Variants in RNGTT observed in about 807,000 individuals in gnomAD.
RNGTT encodes the protein RNA guanylyltransferase and 5'-phosphatase.
In RNGTT, 33 loss-of-function variants were observed where a neutral mutation model predicts 79.3. The observed-to-expected ratio is 0.42, with a 90% CI of 0.32 to 0.56. The LOEUF is 0.56. Ranked by LOEUF, RNGTT falls within the 20% of genes least tolerant of loss-of-function variation. RNGTT has a pLI of 0.17. For synonymous variants in RNGTT, 222 were observed against 235.9 expected (o/e 0.94, Z 0.54); for missense variants, 497 against 739.1 (o/e 0.67, Z 3.80).
chr6:88,615,185 G>C (rs1359436055), intron 14 of RNGTT, among the ~76,000 whole-genome samples: 1 of 152,130 alleles, frequency 6.6e-6, no homozygotes, highest in Non-Finnish European at 1.5e-5. Context: ...TGCCAGTCAT[G>C]GTAATATTTT....
At chr6:88,798,338 G>A (rs1298439389) in intron 12 of RNGTT, among the ~76,000 whole-genome samples, 1 of 151,834 alleles carries the variant, frequency 6.6e-6, no homozygotes, top group Non-Finnish European at 1.5e-5. Context: ...GGTGGTGCGC[G>A]CCTATAGTCC....
intron 13 of RNGTT, among the ~76,000 whole-genome samples, chr6:88,760,833 C>G (rs1778191841): frequency 6.6e-6 from 1 of 151,240 alleles, no homozygotes; most frequent in Non-Finnish European, 1.5e-5. Flanking sequence ...ATTTCCTTCT[C>G]AAAAAGAGTA....
chr6:88,823,085 T>C lies in RNGTT; in HGVS notation c.1269+21272A>G, dbSNP rs115888714. On this transcript the variant is annotated intron_variant, in intron 11 of 15. Coordinates refer to ENST00000369485, the MANE Select transcript of RNGTT (RefSeq NM_003800.5). ...GCACTATCCATAAAAGAAAAATAAT[T>C]CATAAATCAAACGAGTGAATTAATA... Among the ~76,000 whole-genome samples, 843 of 152,244 alleles carry C rather than the reference T, an allele frequency of 5.5e-3. 8 individuals carry two copies. The highest frequency in any genetic ancestry group is 0.018 in the African/African-American group (731 of 41,548).
At chr6:88,926,187 G>A (rs940533051) in intron 4 of RNGTT, among the ~76,000 whole-genome samples, 18 of 152,050 alleles carry the variant, frequency 1.2e-4, no homozygotes, top group Non-Finnish European at 2.5e-4. Flanking sequence ...TTGACTAATG[G>A]AACACCATTT....
chr6:88,911,162 C>A (rs1244381763), intron 4 of RNGTT, among the ~76,000 whole-genome samples: 2 of 152,048 alleles, frequency 1.3e-5, no homozygotes, highest in Admixed American at 6.6e-5. Flanking sequence ...AGTCTAAACA[C>A]TCCACTTAAA....
chr6:88,843,548 C>CTTCTTTTT (rs1437292319), intron 11 of RNGTT, among the ~76,000 whole-genome samples: 66 of 66,656 alleles, frequency 9.9e-4, no homozygotes, highest in Middle Eastern at 9.3e-3. Flanking sequence ...TAGTATGATT[C>CTTCTTTTT]TTTTTTTTTT....
chr6:88,916,495 T>G (rs1784004331), intron 4 of RNGTT, among the ~76,000 whole-genome samples: 1 of 151,986 alleles, frequency 6.6e-6, no homozygotes, highest in Admixed American at 6.6e-5. Flanking sequence ...ATCATCAGAG[T>G]GTACAATTTA....
chr6:88,653,908 A>C (rs1457461735), intron 14 of RNGTT, among the ~76,000 whole-genome samples: 2 of 152,232 alleles, frequency 1.3e-5, no homozygotes, highest in Non-Finnish European at 2.9e-5. Context: ...GGACATAAAG[A>C]TAATATTGAG....
In RNGTT at chr6:88,678,998, T is replaced by TTC. The variant is rs1358564216; in HGVS notation, c.1440-581_1440-580dup. Among the ~76,000 whole-genome samples the TTC allele has an allele frequency of 2.0e-5, 3 of 152,124 alleles. No individual in the cohort carries two copies. In the East Asian group the frequency reaches 5.8e-4, roughly 29 times the overall value. ...CCTCCCCTTCCACCTCTTCCACCTC[T>TTC]TCTGCCTCTGCCACCACGGAGACAG... On this transcript the variant is annotated intron_variant, in intron 13 of 15. Transcript: ENST00000369485.
At chr6:88,900,881 C>T (rs1027987755) in intron 6 of RNGTT, among the ~76,000 whole-genome samples, 1 of 151,538 alleles carries the variant, frequency 6.6e-6, no homozygotes, top group Non-Finnish European at 1.5e-5. Flanking sequence ...ATGGCTCACG[C>T]CTATAATGCT....
At chr6:88,741,427 G>A (rs1056426420) in intron 13 of RNGTT, among the ~76,000 whole-genome samples, 1 of 151,986 alleles carries the variant, frequency 6.6e-6, no homozygotes, top group Non-Finnish European at 1.5e-5. Flanking sequence ...ATAGACAATG[G>A]GGGACTCAAG....
chr6:88,737,347 C>T (rs1463729843), intron 13 of RNGTT, among the ~76,000 whole-genome samples: 2 of 152,176 alleles, frequency 1.3e-5, no homozygotes, highest in Non-Finnish European at 2.9e-5. Context: ...TACCTCGAGT[C>T]TTACCCCTTT....
intron 13 of RNGTT, among the ~76,000 whole-genome samples, chr6:88,685,384 AG>A (rs975856461): frequency 1.1e-4 from 16 of 152,294 alleles, no homozygotes; most frequent in Admixed American, 8.5e-4. Context: ...CGAAAGAGAA[AG>A]GGTATCTAGG....
chr6:88,632,628 T>C (rs1772943360), intron 14 of RNGTT, among the ~76,000 whole-genome samples: 1 of 151,998 alleles, frequency 6.6e-6, no homozygotes, highest in Non-Finnish European at 1.5e-5. Flanking sequence ...CTATTTTCTC[T>C]TCTACTTTAT....
At chr6:88,695,418 T>C (rs1288647950) in intron 13 of RNGTT, among the ~76,000 whole-genome samples, 2 of 152,096 alleles carry the variant, frequency 1.3e-5, no homozygotes, top group Admixed American at 1.3e-4. Flanking sequence ...TTGTTCAATA[T>C]CACTAAGCAT....
At chr6:88,823,143 T>A (rs369643348) in intron 11 of RNGTT, among the ~76,000 whole-genome samples, 2 of 152,070 alleles carry the variant, frequency 1.3e-5, no homozygotes, top group African/African-American at 4.8e-5. Context: ...GTTAAGAAAA[T>A]TGGCTGGGCA....
At chr6:88,805,570 C>T (rs1289853972) in intron 11 of RNGTT, among the ~76,000 whole-genome samples, 1 of 152,124 alleles carries the variant, frequency 6.6e-6, no homozygotes, top group Admixed American at 6.5e-5. Flanking sequence ...TGATAAAAAG[C>T]AGAAAGACTT....
chr6:88,715,525 A>C (rs1045579828), intron 13 of RNGTT, among the ~76,000 whole-genome samples: 7 of 152,218 alleles, frequency 4.6e-5, no homozygotes. Flanking sequence ...CTAAGCCAAA[A>C]GAACAAAGCT....
At chr6:88,925,380 CAGGAGTTCAAGA>C (rs1270520168) in intron 4 of RNGTT, among the ~76,000 whole-genome samples, 2 of 151,920 alleles carry the variant, frequency 1.3e-5, no homozygotes, top group Non-Finnish European at 2.9e-5. Context: ...CACTTGAACC[CAGGAGTTCAAGA>C]CCAGCCTAGG....
Sources: allele counts gnomAD v4.1 joint callset (sites outside exome capture counted in the v4.1 genomes callset), GRCh38; gene constraint gnomAD v4.1.1; transcripts MANE v1.5; gene names NCBI Gene and HGNC (gene_info 2026-07-23, HGNC 2026-07-21).